ANKRD44: variants seen among roughly 807,000 people sequenced by gnomAD.
The protein encoded by ANKRD44 is ankyrin repeat domain 44, also known as serine/threonine-protein phosphatase 6 regulatory ankyrin repeat subunit B.
ANKRD44 carries 35 observed loss-of-function variants against 116.0 expected under a neutral mutation model. The ratio of observed to expected loss-of-function variants is 0.30; its 90% CI spans 0.23 to 0.40. The LOEUF (loss-of-function observed/expected upper bound fraction) is 0.40, where lower values mean the gene tolerates loss of function less well. Among genes scored for constraint, ANKRD44 ranks in the 10% least tolerant of loss-of-function variants. The pLI is 1.00. For missense variants in ANKRD44, 1,014 were observed against 1,242.6 expected, an observed-to-expected ratio of 0.82 and a Z score of 2.77; for synonymous variants, 435 against 461.8, an observed-to-expected ratio of 0.94 and a Z score of 0.74.
intron 18 of ANKRD44, among the ~76,000 whole-genome samples, chr2:197,010,691 ACC>A (rs2076284014): frequency 6.6e-6 from 1 of 152,230 alleles, no homozygotes; most frequent in Non-Finnish European, 1.5e-5. Context: ...GATGAGAGCA[ACC>A]GTGGTTAAAA....
At position 197,096,956 on chromosome 2, in the gene ANKRD44, C is replaced by T. The variant is rs144128530; in HGVS notation, c.1100+2860G>A. 2.5e-3 allele frequency among the ~76,000 whole-genome samples: 380 copies of T among 152,254 alleles called. 1 individual carries two copies. The highest frequency in any genetic ancestry group is 0.016 in the East Asian group (85 of 5,188). The stretch of plus-strand genomic sequence containing the variant: ...CACTGAAGGTAGCATGTCGCATCCC[C>T]AGATAGTTGTGACAAAGAAAGCAGA... On this transcript the variant is annotated intron_variant, in intron 10 of 27. Coordinates refer to ENST00000282272, the MANE Select transcript of ANKRD44 (RefSeq NM_001195144.2).
intron 2 of ANKRD44, 102 bp from the exon 3 acceptor site, chr2:197,147,207 G>C: frequency 1.1e-6 from 1 of 884,030 alleles, no homozygotes; most frequent in Non-Finnish European, 1.8e-6. Context: ...GTTAATGCAT[G>C]TGGAAGAGTG....
intron 20 of ANKRD44, among the ~76,000 whole-genome samples, chr2:197,006,608 G>A (rs964021547): frequency 9.2e-5 from 14 of 152,274 alleles, no homozygotes; most frequent in East Asian, 3.9e-4. Context: ...TTCAGAGGAC[G>A]TTGTGAGGAC....
intron 13 of ANKRD44, 56 bp downstream of exon 13, chr2:197,086,624 A>G (rs2077930910): frequency 1.3e-6 from 2 of 1,532,936 alleles, no homozygotes; most frequent in Admixed American, 3.4e-5. Context: ...TACTACATAG[A>G]CCACTCCCAG....
chr2:197,093,231 G>A (rs966292316), intron 10 of ANKRD44, among the ~76,000 whole-genome samples: 13 of 151,842 alleles, frequency 8.6e-5, no homozygotes, highest in Admixed American at 2.0e-4. Flanking sequence ...ACAAGCAAAT[G>A]AATTTGAGGA....
At chr2:197,271,679 A>C (rs111934167) in intron 1 of ANKRD44, among the ~76,000 whole-genome samples, 1 of 152,188 alleles carries the variant, frequency 6.6e-6, no homozygotes, top group Non-Finnish European at 1.5e-5. Context: ...TCTGTTGCCC[A>C]GGCTGGAGTG....
At chr2:197,016,749 A>G (rs2076399412) in intron 17 of ANKRD44, among the ~76,000 whole-genome samples, 1 of 152,154 alleles carries the variant, frequency 6.6e-6, no homozygotes, top group Non-Finnish European at 1.5e-5. Context: ...TTCACAAAAA[A>G]AAGAAAAGAA....
intron 16 of ANKRD44, among the ~76,000 whole-genome samples, chr2:197,052,946 G>A (rs1219073404): frequency 2.6e-5 from 4 of 152,172 alleles, no homozygotes; most frequent in Non-Finnish European, 4.4e-5. Flanking sequence ...AAGGTGGGCA[G>A]ATCACCTGAG....
intron 2 of ANKRD44, among the ~76,000 whole-genome samples, chr2:197,166,174 T>C (rs1371853796): frequency 6.6e-6 from 1 of 152,216 alleles, no homozygotes; most frequent in African/African-American, 2.4e-5. Context: ...CACCACTCCC[T>C]AACACCTTCT....
At chr2:197,306,223 C>T (rs1206922302) in intron 1 of ANKRD44, among the ~76,000 whole-genome samples, 2 of 152,108 alleles carry the variant, frequency 1.3e-5, no homozygotes, top group Non-Finnish European at 1.5e-5. Flanking sequence ...GCTGCACTGC[C>T]CTTTCAACTA....
At chr2:196,995,095 A>G (rs1418339948) in intron 26 of ANKRD44, 1 of 222,672 alleles carries the variant, frequency 4.5e-6, no homozygotes, top group African/African-American at 2.3e-5. Context: ...TTTTTCTAAC[A>G]GCCCACTAAA....
intron 25 of ANKRD44, among the ~76,000 whole-genome samples, chr2:196,996,647 G>A (rs965535389): frequency 2.0e-5 from 3 of 152,120 alleles, no homozygotes; most frequent in African/African-American, 7.2e-5. Context: ...GCTCATGCCT[G>A]TAATCCTAGC....
Position 197,273,981 on chromosome 2 carries a change from ATATAT to A in ANKRD44, c.27+36592_27+36596del, listed in dbSNP as rs1481849213. Reference sequence around the variant, plus strand: ...ACCACAAAAAAAAAAAAAAAAAAAAATATATATATATATATATATATATATATATA... The same window carrying A: ...ACCACAAAAAAAAAAAAAAAAAAAAAATATATATATATATATATATATATA... On this transcript the variant is annotated intron_variant, in intron 1 of 27. Coordinates refer to ENST00000282272, the MANE Select transcript of ANKRD44 (RefSeq NM_001195144.2). Among the ~76,000 whole-genome samples the A allele has an allele frequency of 1.9e-3, 45 of 23,954 alleles. 5 individuals are homozygous for A. Among genetic ancestry groups the A allele is most frequent in the South Asian group, 4.0e-3 (2 of 496 alleles). 15.7% of individuals were successfully genotyped at this position (23,954 alleles called of 152,430 possible).
chr2:197,234,705 G>T (rs556541196), intron 1 of ANKRD44, among the ~76,000 whole-genome samples: 1 of 151,982 alleles, frequency 6.6e-6, no homozygotes, highest in Non-Finnish European at 1.5e-5. Context: ...CAATTTCCAC[G>T]ATCACAGAGC....
In ANKRD44 at chr2:197,180,875, T is replaced by C. The variant is rs1574216081; in HGVS notation, c.111+6148A>G. 3.3e-5 allele frequency among the ~76,000 whole-genome samples: 5 copies of C among 152,354 alleles called. 1 individual carries two copies. Among genetic ancestry groups the C allele is most frequent in the Admixed American group, 3.3e-4 (5 of 15,306 alleles). ...AAAGAAATAGTGCAACACTTCAACA[T>C]ACACATACACATGCATACATATTAC... On this transcript the variant is annotated intron_variant, in intron 2 of 27. Coordinates refer to ENST00000282272, the MANE Select transcript of ANKRD44 (RefSeq NM_001195144.2).
At chr2:197,260,257 C>T (rs1407027329) in intron 1 of ANKRD44, among the ~76,000 whole-genome samples, 5 of 152,176 alleles carry the variant, frequency 3.3e-5, no homozygotes, top group East Asian at 3.9e-4. Flanking sequence ...CAACAGTCCC[C>T]GGTGTGTGAT....
At chr2:197,043,675 A>G (rs2076951364) in intron 16 of ANKRD44, among the ~76,000 whole-genome samples, 1 of 152,216 alleles carries the variant, frequency 6.6e-6, no homozygotes, top group Non-Finnish European at 1.5e-5. Context: ...CATTTAAAAA[A>G]CAGGTAGTGA....
intron 1 of ANKRD44, among the ~76,000 whole-genome samples, chr2:197,282,052 G>C (rs1189967363): frequency 6.6e-6 from 1 of 152,124 alleles, no homozygotes; most frequent in Non-Finnish European, 1.5e-5. Flanking sequence ...AGGAGATAGA[G>C]ACCATCCTGG....
intron 2 of ANKRD44, among the ~76,000 whole-genome samples, chr2:197,157,248 A>G (rs1232567546): frequency 6.6e-6 from 1 of 152,242 alleles, no homozygotes; most frequent in Non-Finnish European, 1.5e-5. Context: ...AAGAAAAGAA[A>G]TAGCAAAATC....
Sources: allele counts gnomAD v4.1 joint callset (sites outside exome capture counted in the v4.1 genomes callset), GRCh38; gene constraint gnomAD v4.1.1; transcripts MANE v1.5; gene names NCBI Gene and HGNC (gene_info 2026-07-23, HGNC 2026-07-21).